Variants in FAM167A observed in about 807,000 individuals in gnomAD.
FAM167A encodes the protein protein FAM167A.
FAM167A carries 23 observed loss-of-function variants against 14.9 expected under a neutral mutation model. That is an observed-to-expected ratio of 1.55 (90% CI 1.11 to 2.19). The LOEUF is 2.19. Ranked by LOEUF, FAM167A falls within the 30% of genes most tolerant of loss-of-function variation. The pLI is 0.00. For missense variants in FAM167A, 401 were observed against 281.5 expected (o/e 1.42, Z -3.04); for synonymous variants, 174 against 117.7 (o/e 1.48, Z -3.10).
rs1366040982 is a variant in FAM167A, at chr8:11,421,847, G to C, written c.*2526C>G. ...TGGTGAGCCAGGAGGCTGGGACGGAGGTTAGGCCAATGTTGCTGCTGACTC... is the reference window on the plus strand; with the variant it reads ...TGGTGAGCCAGGAGGCTGGGACGGACGTTAGGCCAATGTTGCTGCTGACTC... On this transcript the variant is annotated 3_prime_UTR_variant, in exon 3 of 3. Coordinates refer to ENST00000284486, the MANE Select transcript of FAM167A (RefSeq NM_053279.3). The C allele has an allele frequency of 2.5e-6, 1 of 398,398 alleles. No homozygotes were observed. Among genetic ancestry groups the C allele is most frequent in the African/African-American group, 2.1e-5 (1 of 48,614 alleles). 24.7% of individuals were successfully genotyped at this position (398,398 alleles called of 1,614,324 possible).
chr8:11,448,302 G>A (rs1563380404), intron 1 of FAM167A, among the ~76,000 whole-genome samples: 1 of 152,072 alleles, frequency 6.6e-6, no homozygotes, highest in East Asian at 1.9e-4. Context: ...CTAGTTCTGG[G>A]GATAATAACA....
rs116206631 is a variant in FAM167A, at chr8:11,462,978, G to C, written c.-398+3648C>G. On this transcript the variant is annotated intron_variant, in intron 1 of 2. Transcript: ENST00000284486. ...TTGACTCAGGAAAGAGCAGGTAAAA[G>C]AATCCATGAGAGCTCCAGGGAGGTG... Among the ~76,000 whole-genome samples, 310 of 152,322 alleles carry C rather than the reference G, an allele frequency of 2.0e-3. 3 individuals carry two copies. Among genetic ancestry groups the C allele is most frequent in the African/African-American group, 7.1e-3 (295 of 41,570 alleles).
At chr8:11,439,114 T>G (rs555028076) in intron 2 of FAM167A, among the ~76,000 whole-genome samples, 4 of 152,250 alleles carry the variant, frequency 2.6e-5, no homozygotes, top group Non-Finnish European at 5.9e-5. Flanking sequence ...TGTCGTGGCT[T>G]AGCCACATCC....
chr8:11,447,560 G>A (rs956357071), intron 1 of FAM167A, among the ~76,000 whole-genome samples: 1 of 152,222 alleles, frequency 6.6e-6, no homozygotes, highest in African/African-American at 2.4e-5. Context: ...CTGCCCATGT[G>A]AGCCCCAAAG....
At chr8:11,430,779 G>T (rs535610886) in intron 2 of FAM167A, among the ~76,000 whole-genome samples, 1 of 152,132 alleles carries the variant, frequency 6.6e-6, no homozygotes, top group Non-Finnish European at 1.5e-5. Flanking sequence ...GGAGGAGACG[G>T]CCAAGGCGGC....
chr8:11,452,107 G>A (rs769288994), intron 1 of FAM167A, among the ~76,000 whole-genome samples: 16 of 152,160 alleles, frequency 1.1e-4, no homozygotes, highest in Non-Finnish European at 1.9e-4. Flanking sequence ...GGGGCAGGGA[G>A]GGGGTGCTGT....
chr8:11,460,020 A>G (rs974117813), intron 1 of FAM167A, among the ~76,000 whole-genome samples: 4 of 152,212 alleles, frequency 2.6e-5, no homozygotes, highest in African/African-American at 9.6e-5. Flanking sequence ...GAGCCACCGC[A>G]CCAGGCCAGG....
At chr8:11,435,896 C>G (rs1347178860) in intron 2 of FAM167A, among the ~76,000 whole-genome samples, 1 of 152,256 alleles carries the variant, frequency 6.6e-6, no homozygotes, top group Non-Finnish European at 1.5e-5. Flanking sequence ...TCCGGAATTA[C>G]TAGTTCCACC....
intron 1 of FAM167A, among the ~76,000 whole-genome samples, chr8:11,456,223 G>A (rs1807286747): frequency 7.2e-6 from 1 of 139,324 alleles, no homozygotes. Context: ...GTGAGTGTGA[G>A]TGAGTGTGGG....
At chr8:11,437,574 T>C (rs1806113502) in intron 2 of FAM167A, among the ~76,000 whole-genome samples, 1 of 152,226 alleles carries the variant, frequency 6.6e-6, no homozygotes, top group Non-Finnish European at 1.5e-5. Flanking sequence ...CAGTGCACTC[T>C]TGACCAGTTA....
Position 11,446,016 on chromosome 8 carries a change from CAAAAAAAA to C in FAM167A, c.-397-1216_-397-1209del, listed in dbSNP as rs36111790. Reference sequence around the variant, plus strand: ...TGTAAATGCCTAAAAACATCCCGGCCAAAAAAAAAAAAAAAAAAAAAGGAAGGGAATAG... The same window carrying C: ...TGTAAATGCCTAAAAACATCCCGGCCAAAAAAAAAAAAAGGAAGGGAATAG... On this transcript the variant is annotated intron_variant, in intron 1 of 2. Transcript: ENST00000284486. Among the ~76,000 whole-genome samples, 531 of 84,270 alleles carry C rather than the reference CAAAAAAAA, an allele frequency of 6.3e-3. 3 individuals are homozygous for C. The highest frequency in any genetic ancestry group is 9.8e-3 in the Non-Finnish European group (448 of 45,836). 55.3% of individuals were successfully genotyped at this position (84,270 alleles called of 152,430 possible). A position where few individuals can be genotyped will look rare whatever the true frequency, so the allele number is the denominator to read the frequency against.
rs916817897 is a variant in FAM167A at position 11,422,714 on chromosome 8, T to C, written c.*1659A>G. 3 of 152,252 alleles carry C rather than the reference T, an allele frequency of 2.0e-5. No homozygotes were observed. The highest frequency in any genetic ancestry group is 6.5e-5 in the Admixed American group (1 of 15,296). The allele number at this position is 152,252 out of a possible 1,614,324, so 9.4% of individuals were successfully genotyped here. A position where few individuals can be genotyped will look rare whatever the true frequency, so the allele number is the denominator to read the frequency against. ...CTCAGCCCACAAAAGAAAAGCAACCTCTCCCCTATGTGGGTCACGATGTGT... is the reference window on the plus strand; with the variant it reads ...CTCAGCCCACAAAAGAAAAGCAACCCCTCCCCTATGTGGGTCACGATGTGT... On this transcript the variant is annotated 3_prime_UTR_variant, in exon 3 of 3. Transcript: ENST00000284486.
chr8:11,449,530 G>A (rs1806938022), intron 1 of FAM167A, among the ~76,000 whole-genome samples: 1 of 152,192 alleles, frequency 6.6e-6, no homozygotes, highest in South Asian at 2.1e-4. Context: ...AACCTGGGTC[G>A]TTCCTAGGGG....
chr8:11,469,518 T>C (rs1563397044), upstream of FAM167A, among the ~76,000 whole-genome samples: 1 of 152,182 alleles, frequency 6.6e-6, no homozygotes, highest in Non-Finnish European at 1.5e-5. Context: ...TGGTGCATGA[T>C]GCATGAGACA....
In FAM167A at chr8:11,444,611, C is replaced by T; in HGVS notation, c.-200G>A. On this transcript the variant is annotated 5_prime_UTR_variant, in exon 2 of 3. Transcript: ENST00000284486. Reference sequence around the variant, plus strand: ...CGCAGTGAGCCGCACAGGGCGCCCTCCTGGAGGCTCGGGTCTATGATCCGT... The same window carrying T: ...CGCAGTGAGCCGCACAGGGCGCCCTTCTGGAGGCTCGGGTCTATGATCCGT... 2.2e-6 allele frequency: 3 copies of T among 1,379,536 alleles called. No individual in the cohort carries two copies. Among genetic ancestry groups the T allele is most frequent in the Non-Finnish European group, 2.8e-6 (3 of 1,073,132 alleles). The allele number at this position is 1,379,536 out of a possible 1,614,324, so 85.5% of individuals were successfully genotyped here.
upstream of FAM167A, among the ~76,000 whole-genome samples, chr8:11,471,630 C>T (rs1166643907): frequency 6.6e-6 from 1 of 152,196 alleles, no homozygotes. Flanking sequence ...AATGATTTTA[C>T]TGTTCATAGT....
Position 11,444,623 on chromosome 8 carries a change from G to A in FAM167A, c.-212C>T. The A allele has an allele frequency of 7.3e-7, 1 of 1,370,190 alleles. No individual in the cohort carries two copies. The highest frequency in any genetic ancestry group is 9.4e-7 in the Non-Finnish European group (1 of 1,067,856). 84.9% of individuals were successfully genotyped at this position (1,370,190 alleles called of 1,614,324 possible). A position where few individuals can be genotyped will look rare whatever the true frequency, so the allele number is the denominator to read the frequency against. On this transcript the variant is annotated 5_prime_UTR_variant, in exon 2 of 3. Coordinates refer to ENST00000284486, the MANE Select transcript of FAM167A (RefSeq NM_053279.3). ...CACAGGGCGCCCTCCTGGAGGCTCG[G>A]GTCTATGATCCGTCCTGGAAGCCTG...
At chr8:11,464,264 G>A (rs1468090614) in intron 1 of FAM167A, among the ~76,000 whole-genome samples, 1 of 152,090 alleles carries the variant, frequency 6.6e-6, no homozygotes, top group Non-Finnish European at 1.5e-5. Flanking sequence ...GGGAAGAGTT[G>A]GCCTTTAATG....
Position 11,462,099 on chromosome 8 carries a change from C to G in FAM167A, c.-398+4527G>C, listed in dbSNP as rs745613806. Among the ~76,000 whole-genome samples the G allele has an allele frequency of 5.1e-4, 78 of 152,202 alleles. 1 individual carries two copies. The highest frequency in any genetic ancestry group is 7.5e-4 in the Non-Finnish European group (51 of 68,040). On this transcript the variant is annotated intron_variant, in intron 1 of 2. Coordinates refer to ENST00000284486, the MANE Select transcript of FAM167A (RefSeq NM_053279.3). ...ATGGCCTGAGTGCCCGCAGGCAGGG[C>G]AGAAAATGGGATGTGTGACTTTGCT...
Sources: allele counts gnomAD v4.1 joint callset (sites outside exome capture counted in the v4.1 genomes callset), GRCh38; gene constraint gnomAD v4.1.1; transcripts MANE v1.5; gene names NCBI Gene and HGNC (gene_info 2026-07-23, HGNC 2026-07-21).